Variants in COLEC10 observed in about 807,000 individuals in gnomAD.
The protein encoded by COLEC10 is collectin subfamily member 10.
A neutral mutation model predicts 28.4 loss-of-function variants in COLEC10; 22 were observed. The ratio of observed to expected loss-of-function variants is 0.78; its 90% confidence interval spans 0.55 to 1.11. The LOEUF (loss-of-function observed/expected upper bound fraction) is 1.11. Among genes scored for constraint, COLEC10 ranks in the 50% least tolerant of loss-of-function variants. The pLI is 0.00. For synonymous variants in COLEC10, 125 were observed against 116.1 expected (o/e 1.08, Z -0.49); for missense variants, 361 against 344.1 (o/e 1.05, Z -0.39).
intron 1 of COLEC10, among the ~76,000 whole-genome samples, chr8:119,079,900 G>A (rs1815336556): frequency 6.6e-6 from 1 of 152,038 alleles, no homozygotes; most frequent in Admixed American, 6.6e-5. Context: ...TTGGACTCTA[G>A]TAAGCACCCC....
In COLEC10 at chr8:119,101,983, A is replaced by T. The variant is rs183409658; in HGVS notation, c.293-365A>T. ...GCCTTGTTCAGAAGGCCATGTTATT[A>T]AAAAAAATGTTAATAGGACAGGTTA... On this transcript the variant is annotated intron_variant, in intron 3 of 5. Coordinates refer to ENST00000332843, the MANE Select transcript of COLEC10 (RefSeq NM_006438.5). Among the ~76,000 whole-genome samples, 390 of 133,568 alleles carry T rather than the reference A, an allele frequency of 2.9e-3. 2 individuals carry two copies. The highest frequency in any genetic ancestry group is 0.015 in the African/African-American group (375 of 24,500). The allele number at this position is 133,568 out of a possible 152,430, so 87.6% of individuals were successfully genotyped here. A position where few individuals can be genotyped will look rare whatever the true frequency, so the allele number is the denominator to read the frequency against.
At chr8:119,097,019 A>C (rs972543378) in intron 3 of COLEC10, among the ~76,000 whole-genome samples, 1 of 152,106 alleles carries the variant, frequency 6.6e-6, no homozygotes, top group African/African-American at 2.4e-5. Context: ...ATACAGAAAA[A>C]AACTATATGC....
At chr8:119,005,446 C>T (rs1002885098) in intron 1 of COLEC10, among the ~76,000 whole-genome samples, 9 of 152,048 alleles carry the variant, frequency 5.9e-5, no homozygotes, top group Admixed American at 2.6e-4. Flanking sequence ...GCATGGTGCA[C>T]GCTGAGGAAG....
At chr8:119,102,220 CTCCCT>C in intron 3 of COLEC10, 123 bp from the exon 4 acceptor site, 2 of 205,452 alleles carry the variant, frequency 9.7e-6, no homozygotes, top group African/African-American at 2.6e-5. Context: ...TCCTCCCTCC[CTCCCT>C]CCCTCCCTCC....
chr8:118,959,235 G>A, the COLEC10 span, among the ~76,000 whole-genome samples: 1 of 152,188 alleles, frequency 6.6e-6, no homozygotes, highest in African/African-American at 2.4e-5. Context: ...AAATACCAGT[G>A]TCAGATAAGG....
At chr8:119,059,699 C>T (rs566995133) in intron 2 of COLEC10, among the ~76,000 whole-genome samples, 2 of 152,118 alleles carry the variant, frequency 1.3e-5, no homozygotes, top group East Asian at 1.9e-4. Flanking sequence ...TTTTTCCATA[C>T]ATGAAGGCCT....
At chr8:119,051,536 C>T (rs1419337341) in intron 2 of COLEC10, among the ~76,000 whole-genome samples, 6 of 152,150 alleles carry the variant, frequency 3.9e-5, no homozygotes, top group Non-Finnish European at 8.8e-5. Context: ...TGATCACAAG[C>T]AAGAGCGCCT....
At chr8:119,075,925 GA>G in intron 1 of COLEC10, among the ~76,000 whole-genome samples, 1 of 41,042 alleles carries the variant, frequency 2.4e-5, no homozygotes, top group South Asian at 8.2e-4. Flanking sequence ...TTGTGAGACA[GA>G]GTCTCGCTCT....
At chr8:119,064,598 T>C (rs1313470198), upstream of COLEC10, among the ~76,000 whole-genome samples, 1 of 152,220 alleles carries the variant, frequency 6.6e-6, no homozygotes, top group African/African-American at 2.4e-5. Flanking sequence ...TATCTGGCTA[T>C]GACACATGTA....
the COLEC10 span, among the ~76,000 whole-genome samples, chr8:118,965,010 C>A: frequency 1.3e-5 from 2 of 152,116 alleles, no homozygotes; most frequent in African/African-American, 4.8e-5. Context: ...AAGAGAGAGA[C>A]TTCATAGGGC....
chr8:119,028,063 A>G (rs1337882031), intron 2 of COLEC10, among the ~76,000 whole-genome samples: 2 of 152,202 alleles, frequency 1.3e-5, no homozygotes, highest in Non-Finnish European at 2.9e-5. Flanking sequence ...TTCACAAAGC[A>G]TGTACTCAGT....
chr8:119,097,149 T>C (rs1275421785), intron 3 of COLEC10, among the ~76,000 whole-genome samples: 1 of 152,116 alleles, frequency 6.6e-6, no homozygotes, highest in African/African-American at 2.4e-5. Context: ...AATCTGTAGA[T>C]GACACAAAAG....
intron 2 of COLEC10, among the ~76,000 whole-genome samples, chr8:119,050,888 G>C (rs544035101): frequency 6.6e-6 from 1 of 152,162 alleles, no homozygotes; most frequent in Non-Finnish European, 1.5e-5. Context: ...ATTTAATTAA[G>C]CCAATTGATT....
At chr8:119,029,213 G>C (rs1034419450) in intron 2 of COLEC10, among the ~76,000 whole-genome samples, 18 of 152,168 alleles carry the variant, frequency 1.2e-4, no homozygotes, top group African/African-American at 4.3e-4. Flanking sequence ...TGAAGCAGGA[G>C]GAACTTAATT....
At chr8:119,009,186 C>T (rs1813860687) in intron 1 of COLEC10, among the ~76,000 whole-genome samples, 1 of 150,904 alleles carries the variant, frequency 6.6e-6, no homozygotes, top group Admixed American at 6.6e-5. Context: ...ATCACCTCCC[C>T]TTAAGGATGA....
At chr8:119,057,785 C>A (rs949295715) in intron 2 of COLEC10, among the ~76,000 whole-genome samples, 1 of 151,918 alleles carries the variant, frequency 6.6e-6, no homozygotes, top group Non-Finnish European at 1.5e-5. Context: ...CAATATTATT[C>A]CAGACATTGT....
intron 2 of COLEC10, among the ~76,000 whole-genome samples, chr8:119,047,345 C>T (rs1011250750): frequency 5.9e-5 from 9 of 152,242 alleles, no homozygotes; most frequent in Non-Finnish European, 5.9e-5. Flanking sequence ...AAGTTCAGGG[C>T]GCAACTCCAA....
At chr8:119,007,414 G>A (rs1253890293) in intron 1 of COLEC10, among the ~76,000 whole-genome samples, 2 of 144,382 alleles carry the variant, frequency 1.4e-5, no homozygotes, top group African/African-American at 2.9e-5. Flanking sequence ...TTGGATAGAC[G>A]GATAGGGAAG....
chr8:119,041,214 C>T lies in COLEC10; in HGVS notation n.235+31661C>T, dbSNP rs151245437. On this transcript the variant is annotated intron_variant and non_coding_transcript_variant, in intron 2 of 6. Transcript: ENST00000521788. ...CCAAAGCTAGTGCTGCATGTACTGC[C>T]TAATGCTGGCTCTTGTGGTTAGATG... 2.5e-3 allele frequency among the ~76,000 whole-genome samples: 375 copies of T among 152,174 alleles called. 2 individuals are homozygous for T. The highest frequency in any genetic ancestry group is 8.7e-3 in the African/African-American group (362 of 41,524).
Sources: allele counts gnomAD v4.1 joint callset (sites outside exome capture counted in the v4.1 genomes callset), GRCh38; gene constraint gnomAD v4.1.1; transcripts MANE v1.5; gene names NCBI Gene and HGNC (gene_info 2026-07-23, HGNC 2026-07-21).